DTHD1: variants seen among roughly 807,000 people sequenced by gnomAD.
The protein encoded by DTHD1 is death domain containing 1.
A neutral mutation model predicts 74.8 loss-of-function variants in DTHD1; 59 were observed. That is an observed-to-expected ratio of 0.79 (90% confidence interval 0.64 to 0.98). DTHD1 has a LOEUF of 0.98. Among genes scored for constraint, DTHD1 ranks in the 50% least tolerant of loss-of-function variants. The pLI is 0.00. For synonymous variants in DTHD1, 365 were observed against 371.1 expected, an observed-to-expected ratio of 0.98 and a Z score of 0.19; for missense variants, 1,051 against 1,065.4, an observed-to-expected ratio of 0.99 and a Z score of 0.19.
rs1164779424 is a variant in DTHD1, at chr4:36,344,062, T to C, written c.*238T>C. The C allele has an allele frequency of 2.1e-6, 1 of 485,350 alleles. No individual in the cohort carries two copies. The allele number at this position is 485,350 out of a possible 1,614,324, so 30.1% of individuals were successfully genotyped here. A position where few individuals can be genotyped will look rare whatever the true frequency, so the allele number is the denominator to read the frequency against. ...GTTTTGCAACCATGACTGTCTTGAG[T>C]TTGGCCTCACTTAATAGCATTTGCA... On this transcript the variant is annotated 3_prime_UTR_variant, in exon 10 of 10. Coordinates refer to ENST00000639862, the MANE Select transcript of DTHD1 (RefSeq NM_001170700.3).
chr4:36,307,630 C>T (rs1757137271), intron 6 of DTHD1, among the ~76,000 whole-genome samples: 1 of 152,146 alleles, frequency 6.6e-6, no homozygotes, highest in African/African-American at 2.4e-5. Flanking sequence ...ACGATCCTTC[C>T]CACCTACACA....
intron 2 of DTHD1, among the ~76,000 whole-genome samples, chr4:36,287,608 G>A (rs1465377362): frequency 1.3e-5 from 2 of 152,182 alleles, no homozygotes; most frequent in African/African-American, 4.8e-5. Context: ...CACACACAGT[G>A]TAAAAGTGTT....
chr4:36,307,483 C>A (rs567175458), intron 6 of DTHD1, among the ~76,000 whole-genome samples: 1 of 152,308 alleles, frequency 6.6e-6, no homozygotes, highest in East Asian at 1.9e-4. Context: ...CTCACCTTAA[C>A]CTGATTACTT....
intron 8 of DTHD1, among the ~76,000 whole-genome samples, chr4:36,334,281 C>A (rs1207520774): frequency 6.6e-6 from 1 of 151,918 alleles, no homozygotes; most frequent in Non-Finnish European, 1.5e-5. Context: ...GTGAGCTTCC[C>A]TTTTTTGCCC....
Position 36,346,012 on chromosome 4 carries a change from C to T in DTHD1, c.*2188C>T, listed in dbSNP as rs909048648. Among the ~76,000 whole-genome samples the T allele has an allele frequency of 1.3e-5, 2 of 151,988 alleles. No homozygotes were observed. The highest frequency in any genetic ancestry group is 6.6e-5 in the Admixed American group (1 of 15,242). ...GCACTGTTTCGGGTCCACTTGTGCA[C>T]CTCACATATGCTGTCACAAACACAC... On this transcript the variant is annotated 3_prime_UTR_variant, in exon 10 of 10. Transcript: ENST00000639862.
chr4:36,316,213 G>T, intron 7 of DTHD1, 29 bp from the exon 8 acceptor site: 1 of 1,542,812 alleles, frequency 6.5e-7, no homozygotes, highest in South Asian at 1.2e-5. Context: ...ATAACTTAAT[G>T]GTAATAAATA....
At chr4:36,306,999 G>A (rs1453360085) in intron 6 of DTHD1, among the ~76,000 whole-genome samples, 1 of 152,204 alleles carries the variant, frequency 6.6e-6, no homozygotes, top group South Asian at 2.1e-4. Context: ...TTCAGATGAA[G>A]TATTTCTGTA....
intron 8 of DTHD1, among the ~76,000 whole-genome samples, chr4:36,334,627 T>C (rs1178961390): frequency 2.0e-5 from 3 of 152,156 alleles, no homozygotes; most frequent in Non-Finnish European, 4.4e-5. Flanking sequence ...CCCAAAGTGC[T>C]GGGATTATAG....
chr4:36,334,114 T>C (rs1321623656), intron 8 of DTHD1, among the ~76,000 whole-genome samples: 1 of 152,218 alleles, frequency 6.6e-6, no homozygotes, highest in Non-Finnish European at 1.5e-5. Context: ...CATTCTTCCA[T>C]GTACTCATTG....
intron 7 of DTHD1, among the ~76,000 whole-genome samples, chr4:36,309,110 C>A (rs1328479573): frequency 6.6e-6 from 1 of 152,168 alleles, no homozygotes; most frequent in African/African-American, 2.4e-5. Context: ...TCACCAAACT[C>A]TAAAGGAGTC....
At chr4:36,296,752 A>T (rs1310150523) in intron 5 of DTHD1, among the ~76,000 whole-genome samples, 1 of 152,108 alleles carries the variant, frequency 6.6e-6, no homozygotes, top group Non-Finnish European at 1.5e-5. Flanking sequence ...CACTATAATT[A>T]ACATTTCTAA....
chr4:36,317,769 C>T (rs760736519), intron 8 of DTHD1, among the ~76,000 whole-genome samples: 2 of 152,046 alleles, frequency 1.3e-5, no homozygotes, highest in African/African-American at 2.4e-5. Flanking sequence ...AACAGTGGTA[C>T]TAATAGTTGG....
chr4:36,342,230 T>C (rs533414241), intron 9 of DTHD1, among the ~76,000 whole-genome samples: 1 of 152,312 alleles, frequency 6.6e-6, no homozygotes, highest in African/African-American at 2.4e-5. Flanking sequence ...AGCAGAACTC[T>C]GGGTTGAAAG....
At chr4:36,306,430 T>C (rs977192730) in intron 6 of DTHD1, 78 bp downstream of exon 6, 8 of 1,349,100 alleles carry the variant, frequency 5.9e-6, no homozygotes, top group Non-Finnish European at 7.8e-6. Context: ...AATGGAATAG[T>C]AAGATTAAAT....
intron 3 of DTHD1, among the ~76,000 whole-genome samples, chr4:36,290,983 T>C (rs1326181443): frequency 1.3e-5 from 2 of 152,250 alleles, no homozygotes; most frequent in Non-Finnish European, 2.9e-5. Context: ...TAATTACTTT[T>C]GTGCTTTAGA....
At chr4:36,318,981 A>G (rs1757911745) in intron 8 of DTHD1, among the ~76,000 whole-genome samples, 2 of 152,060 alleles carry the variant, frequency 1.3e-5, no homozygotes, top group African/African-American at 2.4e-5. Flanking sequence ...GCATGCGGCA[A>G]TTTTCCCTGA....
At chr4:36,303,861 G>A (rs1238617129) in intron 5 of DTHD1, among the ~76,000 whole-genome samples, 2 of 152,196 alleles carry the variant, frequency 1.3e-5, no homozygotes, top group Non-Finnish European at 1.5e-5. Context: ...CCACTGTTCG[G>A]TTGCTATCAC....
At chr4:36,342,921 A>C (rs1400444296) in intron 9 of DTHD1, among the ~76,000 whole-genome samples, 1 of 130,190 alleles carries the variant, frequency 7.7e-6, no homozygotes, top group African/African-American at 2.6e-5. Flanking sequence ...AAAAATACAA[A>C]AAAAAAAAAA....
rs1756033690 is a variant in DTHD1, at chr4:36,290,809, A to G, written c.1218+106A>G. Reference sequence around the variant, plus strand: ...AGATATAATTGCTCCACTAGTAATAAATGGAAGGACTTTTGAATTTGTGCC... The same window carrying G: ...AGATATAATTGCTCCACTAGTAATAGATGGAAGGACTTTTGAATTTGTGCC... On this transcript the variant is annotated intron_variant, in intron 3 of 9. Coordinates refer to ENST00000639862, the MANE Select transcript of DTHD1 (RefSeq NM_001170700.3). 6 of 895,104 alleles carry G rather than the reference A, an allele frequency of 6.7e-6. No individual in the cohort carries two copies. In the South Asian group the frequency reaches 9.1e-5, roughly 14 times the overall value. The allele number at this position is 895,104 out of a possible 1,614,324, so 55.4% of individuals were successfully genotyped here. A position where few individuals can be genotyped will look rare whatever the true frequency, so the allele number is the denominator to read the frequency against.
Sources: allele counts gnomAD v4.1 joint callset (sites outside exome capture counted in the v4.1 genomes callset), GRCh38; gene constraint gnomAD v4.1.1; transcripts MANE v1.5; gene names NCBI Gene and HGNC (gene_info 2026-07-23, HGNC 2026-07-21).